The following VPS13B variants were observed in gnomAD, a reference collection of about 807,000 sequenced individuals.
VPS13B encodes intermembrane lipid transfer protein VPS13B.
Under a neutral mutation model 426.4 loss-of-function variants are expected in VPS13B, and 285 were observed. The ratio of observed to expected loss-of-function variants is 0.67; its 90% CI spans 0.61 to 0.74. The LOEUF is 0.74. VPS13B is among the 30% of genes least tolerant of loss of function. VPS13B has a pLI of 0.00. For synonymous variants in VPS13B, 1,676 were observed against 1,676.4 expected (o/e 1.00, Z 0.01); for missense variants, 4,537 against 4,782.6 (o/e 0.95, Z 1.51).
intron 7 of VPS13B, among the ~76,000 whole-genome samples, chr8:99,120,838 G>C (rs1335458218): frequency 1.3e-5 from 2 of 151,888 alleles, no homozygotes; most frequent in Non-Finnish European, 2.9e-5. Flanking sequence ...TTGAGAGGTA[G>C]GTTTTTTGTT....
At chr8:99,614,253 A>G (rs1451742619) in intron 33 of VPS13B, among the ~76,000 whole-genome samples, 2 of 101,274 alleles carry the variant, frequency 2.0e-5, no homozygotes, top group Non-Finnish European at 3.8e-5. Context: ...TAAATTTTAT[A>G]CACACACACA....
chr8:99,391,851 A>T, intron 21 of VPS13B, 147 bp downstream of exon 21: 1 of 1,152,192 alleles, frequency 8.7e-7, no homozygotes, highest in South Asian at 1.4e-5. Flanking sequence ...CATTAGCAAT[A>T]ATCACAGTAT....
At chr8:99,158,415 C>G (rs1340373664) in intron 15 of VPS13B, among the ~76,000 whole-genome samples, 1 of 152,148 alleles carries the variant, frequency 6.6e-6, no homozygotes, top group Non-Finnish European at 1.5e-5. Flanking sequence ...TGCCTGTAAT[C>G]TCAGCTACTC....
intron 33 of VPS13B, among the ~76,000 whole-genome samples, chr8:99,641,507 C>T (rs1379324599): frequency 1.3e-5 from 2 of 152,048 alleles, no homozygotes; most frequent in African/African-American, 2.4e-5. Context: ...TTTAAAGAGA[C>T]ATTTTAAAAG....
intron 25 of VPS13B, 44 bp downstream of exon 25, chr8:99,481,846 A>C: frequency 6.3e-7 from 1 of 1,597,872 alleles, no homozygotes; most frequent in Non-Finnish European, 8.6e-7. Context: ...AGGTTAATAT[A>C]TAACACAGAT....
chr8:99,433,848 C>T (rs3105192), intron 22 of VPS13B, among the ~76,000 whole-genome samples: 26,479 of 151,954 alleles, frequency 0.17, 2,827 homozygotes, highest in East Asian at 0.38. Context: ...ACTCTGTCGC[C>T]CAGGCTGGAG....
intron 20 of VPS13B, among the ~76,000 whole-genome samples, chr8:99,390,247 G>A (rs941677216): frequency 2.0e-5 from 3 of 151,726 alleles, no homozygotes; most frequent in Non-Finnish European, 2.9e-5. Context: ...ACAGGCACCC[G>A]CCACCATGCC....
chr8:99,443,213 G>A (rs977369952), intron 23 of VPS13B, among the ~76,000 whole-genome samples: 1 of 151,900 alleles, frequency 6.6e-6, no homozygotes, highest in African/African-American at 2.4e-5. Context: ...ATGTGAACCT[G>A]GAAAGATTTT....
chr8:99,566,516 C>T (rs1478462940), intron 31 of VPS13B, among the ~76,000 whole-genome samples: 1 of 151,916 alleles, frequency 6.6e-6, no homozygotes, highest in African/African-American at 2.4e-5. Flanking sequence ...TCTCAGCTCA[C>T]TGCAGTCTCC....
chr8:99,453,712 G>T (rs1301365708), intron 23 of VPS13B, among the ~76,000 whole-genome samples: 24 of 152,054 alleles, frequency 1.6e-4, no homozygotes, highest in Admixed American at 1.6e-3. Context: ...TATTTTTCCT[G>T]ATCACATTTT....
At chr8:99,645,577 ATTCT>A (rs1829548692) in intron 34 of VPS13B, among the ~76,000 whole-genome samples, 1 of 152,330 alleles carries the variant, frequency 6.6e-6, no homozygotes, top group Non-Finnish European at 1.5e-5. Flanking sequence ...AAGTTTCATC[ATTCT>A]GTAATTTGGA....
intron 15 of VPS13B, among the ~76,000 whole-genome samples, chr8:99,160,650 CAA>C (rs780385149): frequency 0.039 from 2,682 of 68,432 alleles, 21 homozygotes; most frequent in East Asian, 0.071. Flanking sequence ...GACCCTGTCT[CAA>C]AAAAAAAAAA....
chr8:99,773,120 A>G (rs1811592165), intron 40 of VPS13B, among the ~76,000 whole-genome samples: 1 of 152,210 alleles, frequency 6.6e-6, no homozygotes, highest in Admixed American at 6.5e-5. Flanking sequence ...TAAGTAGTTT[A>G]TATGCAGTAG....
rs201990551 is a variant in VPS13B, at chr8:99,157,274, GT to G, written c.2208+543del. Among the ~76,000 whole-genome samples, 328 of 137,458 alleles carry G rather than the reference GT, an allele frequency of 2.4e-3. 2 individuals carry two copies. The East Asian group carries it at 0.028, about 12-fold the overall frequency. The allele number at this position is 137,458 out of a possible 152,430, so 90.2% of individuals were successfully genotyped here. A position where few individuals can be genotyped will look rare whatever the true frequency, so the allele number is the denominator to read the frequency against. On this transcript the variant is annotated intron_variant, in intron 15 of 61. Coordinates refer to ENST00000357162, the MANE Select transcript of VPS13B (RefSeq NM_152564.5). The stretch of plus-strand genomic sequence containing the variant: ...ATTGTGTGTGTGTATGTGTGTGTGT[GT>G]TTTTTTTTTTTAACAAATTGAAGGT...
intron 23 of VPS13B, among the ~76,000 whole-genome samples, chr8:99,466,244 T>C (rs1048151472): frequency 1.3e-5 from 2 of 152,100 alleles, no homozygotes; most frequent in Non-Finnish European, 2.9e-5. Context: ...AAATAGAAGG[T>C]AAATTATGAA....
At chr8:99,089,790 A>G (rs1846043660) in intron 3 of VPS13B, among the ~76,000 whole-genome samples, 1 of 152,188 alleles carries the variant, frequency 6.6e-6, no homozygotes, top group Non-Finnish European at 1.5e-5. Context: ...GACCACCAGG[A>G]AAGGGAAAGG....
intron 33 of VPS13B, among the ~76,000 whole-genome samples, chr8:99,616,556 A>C (rs1027486353): frequency 6.6e-6 from 1 of 152,208 alleles, no homozygotes; most frequent in African/African-American, 2.4e-5. Flanking sequence ...GGCCGGGCGC[A>C]GTGGCTCATG....
In VPS13B at chr8:99,520,910, G is replaced by A. The variant is rs750053756; in HGVS notation, c.4645G>A (p.Ala1549Thr). Residue 1549 changes from alanine (A) to threonine (T), a missense_variant, in exon 30 of 62, where the codon GCA (alanine) becomes ACA (threonine). By Grantham distance (58) the Ala-to-Thr change is moderately conservative (BLOSUM62 0). Transcript: ENST00000357162. ...MQPTVEANQA[A>T]KEDTVVLKIG... The stretch of plus-strand genomic sequence containing the variant: ...TTCTTTTGTTACAGCTAATCAGGCA[G>A]CAAAAGAAGACACTGTGGTTTTGAA... The A allele has an allele frequency of 1.4e-5, 22 of 1,613,530 alleles. No individual in the cohort carries two copies. Among genetic ancestry groups the A allele is most frequent in the Admixed American group, 8.3e-5 (5 of 59,994 alleles).
intron 36 of VPS13B, among the ~76,000 whole-genome samples, chr8:99,700,644 A>G (rs1206456938): frequency 6.6e-6 from 1 of 152,228 alleles, no homozygotes; most frequent in East Asian, 1.9e-4. Context: ...ATGGGAGGAT[A>G]TGTGAGAAAT....
Sources: gnomAD v4.1 joint callset for allele counts (sites outside exome capture counted in the v4.1 genomes callset) on GRCh38, gnomAD v4.1.1 for gene constraint, MANE v1.5 for transcripts, NCBI Gene and HGNC (gene_info 2026-07-23, HGNC 2026-07-21) for gene names.